Variants in SYT1 observed in about 807,000 individuals in gnomAD.
SYT1 encodes synaptotagmin 1, also known as synaptotagmin-1.
A neutral mutation model predicts 44.8 loss-of-function variants in SYT1; 8 were observed. The ratio of observed to expected loss-of-function variants is 0.18; its 90% confidence interval spans 0.10 to 0.32. The LOEUF (loss-of-function observed/expected upper bound fraction) is 0.32, where lower values mean the gene tolerates loss of function less well. SYT1 is among the 10% of genes least tolerant of loss of function. The probability of loss-of-function intolerance (pLI) is 1.00; values close to 1 mark genes in which losing one functional copy is unlikely to be tolerated. For synonymous variants in SYT1, 154 were observed against 188.8 expected (o/e 0.82, Z 1.51); for missense variants, 286 against 509.3 (o/e 0.56, Z 4.22).
At chr12:79,282,299 C>G (rs895861743) in intron 4 of SYT1, among the ~76,000 whole-genome samples, 6 of 152,124 alleles carry the variant, frequency 3.9e-5, no homozygotes, top group Non-Finnish European at 8.8e-5. Flanking sequence ...ATTAAAACAT[C>G]AGAAGCAGTT....
intron 3 of SYT1, among the ~76,000 whole-genome samples, chr12:79,197,614 C>A (rs1873540527): frequency 6.6e-6 from 1 of 152,032 alleles, no homozygotes; most frequent in East Asian, 1.9e-4. Context: ...AAGTTTAAAG[C>A]CATAATTCCA....
chr12:78,925,628 C>T (rs2137179163), intron 1 of SYT1, among the ~76,000 whole-genome samples: 1 of 151,990 alleles, frequency 6.6e-6, no homozygotes, highest in South Asian at 2.1e-4. Context: ...AGTCCATCCT[C>T]CCTTTCTTCA....
At chr12:79,410,122 G>A (rs527730845) in intron 9 of SYT1, among the ~76,000 whole-genome samples, 81 of 152,156 alleles carry the variant, frequency 5.3e-4, no homozygotes, top group Non-Finnish European at 7.5e-4. Flanking sequence ...AATCCCTGAA[G>A]CACCCTATCC....
chr12:79,049,658 A>C (rs950802693), intron 3 of SYT1, among the ~76,000 whole-genome samples: 2 of 151,990 alleles, frequency 1.3e-5, no homozygotes, highest in Non-Finnish European at 2.9e-5. Flanking sequence ...TATCAGATGA[A>C]TATAATAGAT....
At chr12:79,282,836 A>G (rs1248305655) in intron 4 of SYT1, among the ~76,000 whole-genome samples, 1 of 152,184 alleles carries the variant, frequency 6.6e-6, no homozygotes, top group Non-Finnish European at 1.5e-5. Flanking sequence ...AATAAATAAG[A>G]TAATGTATCT....
At chr12:79,330,966 A>G (rs1881827991) in intron 8 of SYT1, among the ~76,000 whole-genome samples, 1 of 152,188 alleles carries the variant, frequency 6.6e-6, no homozygotes, top group African/African-American at 2.4e-5. Context: ...ATACAGACTT[A>G]ACTTCCAGTC....
At chr12:78,967,953 T>A (rs1868286529) in intron 1 of SYT1, among the ~76,000 whole-genome samples, 1 of 152,018 alleles carries the variant, frequency 6.6e-6, no homozygotes. Flanking sequence ...ATATTAACAA[T>A]GTAGAGGAGT....
chr12:78,884,103 A>C (rs1402364094), intron 1 of SYT1, among the ~76,000 whole-genome samples: 1 of 151,632 alleles, frequency 6.6e-6, no homozygotes, highest in Non-Finnish European at 1.5e-5. Flanking sequence ...CACTGTTACC[A>C]ATCTCTTATA....
chr12:78,908,414 A>G (rs1876119457), intron 1 of SYT1, among the ~76,000 whole-genome samples: 1 of 151,696 alleles, frequency 6.6e-6, no homozygotes, highest in African/African-American at 2.4e-5. Context: ...ATTTCTAAAT[A>G]TAATGTTACC....
intron 3 of SYT1, among the ~76,000 whole-genome samples, chr12:79,179,355 G>C (rs1048414215): frequency 5.2e-4 from 2 of 3,860 alleles, no homozygotes; most frequent in African/African-American, 4.5e-3. Context: ...TGTCTATATC[G>C]ATATAGATAT....
At chr12:79,220,334 G>A (rs372329939) in intron 4 of SYT1, among the ~76,000 whole-genome samples, 2 of 151,782 alleles carry the variant, frequency 1.3e-5, no homozygotes, top group Non-Finnish European at 2.9e-5. Context: ...CTTGCTAAAG[G>A]TTTGTCAATT....
intron 4 of SYT1, among the ~76,000 whole-genome samples, chr12:79,274,212 C>T (rs1302582485): frequency 6.6e-6 from 1 of 152,244 alleles, no homozygotes; most frequent in Non-Finnish European, 1.5e-5. Flanking sequence ...GGTGCGGGAG[C>T]TGGACACCTC....
chr12:79,308,725 T>C (rs557391749), intron 8 of SYT1, among the ~76,000 whole-genome samples: 1 of 152,068 alleles, frequency 6.6e-6, no homozygotes, highest in African/African-American at 2.4e-5. Context: ...TTCTCCAAGG[T>C]CTGTATTCGC....
At chr12:79,295,995 C>A in intron 6 of SYT1, 74 bp from the exon 7 acceptor site, 1 of 1,445,514 alleles carries the variant, frequency 6.9e-7, no homozygotes, top group Non-Finnish European at 9.4e-7. Flanking sequence ...CAATATGCAG[C>A]ATTGTGAACA....
intron 8 of SYT1, among the ~76,000 whole-genome samples, chr12:79,316,989 T>C (rs1172112972): frequency 1.3e-5 from 2 of 152,176 alleles, no homozygotes; most frequent in African/African-American, 4.8e-5. Flanking sequence ...GTAAAATAAA[T>C]TATATACCTA....
At chr12:78,959,666 A>G (rs1337657962) in intron 1 of SYT1, among the ~76,000 whole-genome samples, 2 of 152,190 alleles carry the variant, frequency 1.3e-5, no homozygotes, top group African/African-American at 2.4e-5. Context: ...ATTACAAACA[A>G]CAGCTGTCAG....
chr12:79,425,515 A>G (rs1333532301), intron 9 of SYT1, among the ~76,000 whole-genome samples: 2 of 152,148 alleles, frequency 1.3e-5, no homozygotes, highest in Non-Finnish European at 2.9e-5. Context: ...CTTATGCCCA[A>G]AATCACATTG....
intron 9 of SYT1, among the ~76,000 whole-genome samples, chr12:79,373,595 G>C (rs190131287): frequency 5.3e-5 from 8 of 151,862 alleles, no homozygotes; most frequent in Non-Finnish European, 1.0e-4. Context: ...TTTATAGATG[G>C]TCACATCAAA....
At chr12:79,371,769 G>A (rs546521026) in intron 9 of SYT1, among the ~76,000 whole-genome samples, 23 of 152,262 alleles carry the variant, frequency 1.5e-4, no homozygotes, top group African/African-American at 5.5e-4. Context: ...TGCCTCAGAG[G>A]TTTGAGATAA....
Sources: gnomAD v4.1 joint callset for allele counts (sites outside exome capture counted in the v4.1 genomes callset) on GRCh38, gnomAD v4.1.1 for gene constraint, MANE v1.5 for transcripts, NCBI Gene and HGNC (gene_info 2026-07-23, HGNC 2026-07-21) for gene names.